Variants in ADGRB3 observed in about 807,000 individuals in gnomAD.
The protein encoded by ADGRB3 is adhesion G protein-coupled receptor B3.
A neutral mutation model predicts 193.4 loss-of-function variants in ADGRB3; 37 were observed. The ratio of observed to expected loss-of-function variants is 0.19; its 90% confidence interval spans 0.15 to 0.25. ADGRB3 has a LOEUF of 0.25. ADGRB3 is among the 10% of genes least tolerant of loss of function. ADGRB3 has a pLI of 1.00. For missense variants in ADGRB3, 1,637 were observed against 1,852.9 expected (o/e 0.88, Z 2.14); for synonymous variants, 690 against 644.2 (o/e 1.07, Z -1.08).
chr6:69,299,835 T>C (rs1183584004), intron 20 of ADGRB3, among the ~76,000 whole-genome samples: 1 of 151,940 alleles, frequency 6.6e-6, no homozygotes, highest in East Asian at 1.9e-4. Flanking sequence ...AGCTTTCTTC[T>C]TTTTGTTCAG....
intron 13 of ADGRB3, among the ~76,000 whole-genome samples, chr6:69,024,237 A>G (rs1770357929): frequency 6.6e-6 from 1 of 152,224 alleles, no homozygotes; most frequent in Non-Finnish European, 1.5e-5. Context: ...GTATAAAATC[A>G]GTGTCTTATA....
At chr6:68,819,172 G>T in intron 3 of ADGRB3, among the ~76,000 whole-genome samples, 1 of 151,790 alleles carries the variant, frequency 6.6e-6, no homozygotes, top group East Asian at 1.9e-4. Context: ...TTGCTTGTTA[G>T]TTAGATGTAT....
At position 68,734,537 on chromosome 6, in the gene ADGRB3, T is replaced by C. The variant is rs902264447; in HGVS notation, c.757+95105T>C. Among the ~76,000 whole-genome samples the C allele has an allele frequency of 2.0e-5, 3 of 151,900 alleles. No individual in the cohort carries two copies. In the Admixed American group the frequency reaches 2.0e-4, roughly 10 times the overall value. On this transcript the variant is annotated intron_variant, in intron 3 of 31. Coordinates refer to ENST00000370598, the MANE Select transcript of ADGRB3 (RefSeq NM_001704.3). ...AGGTCATGAATCTCAGAAAGAGCCG[T>C]CTGTATATTTAAATTTTACCCAGGG...
intron 3 of ADGRB3, among the ~76,000 whole-genome samples, chr6:68,808,051 A>G (rs747491691): frequency 3.9e-5 from 6 of 152,218 alleles, no homozygotes; most frequent in African/African-American, 7.2e-5. Context: ...TTAGTTCAAT[A>G]GGAATATTTC....
chr6:68,666,425 T>G (rs1768803401), intron 3 of ADGRB3, among the ~76,000 whole-genome samples: 1 of 151,902 alleles, frequency 6.6e-6, no homozygotes, highest in Non-Finnish European at 1.5e-5. Flanking sequence ...GTTGAACAAA[T>G]GGGTCCTTTT....
intron 3 of ADGRB3, among the ~76,000 whole-genome samples, chr6:68,814,134 T>A (rs955934366): frequency 6.6e-6 from 1 of 152,174 alleles, no homozygotes; most frequent in Non-Finnish European, 1.5e-5. Flanking sequence ...ATCGCCACAC[T>A]GACTTCCACA....
intron 3 of ADGRB3, among the ~76,000 whole-genome samples, chr6:68,780,276 TGG>T (rs2127360754): frequency 6.6e-6 from 1 of 152,186 alleles, no homozygotes; most frequent in Non-Finnish European, 1.5e-5. Context: ...GGAGATATAA[TGG>T]GACGGTGACC....
At chr6:68,979,700 A>G (rs7356942) in intron 10 of ADGRB3, among the ~76,000 whole-genome samples, 9,914 of 151,530 alleles carry the variant, frequency 0.065, 1,050 homozygotes, top group African/African-American at 0.21. Context: ...CAGGAGTCAA[A>G]TAAATTAACA....
intron 20 of ADGRB3, among the ~76,000 whole-genome samples, chr6:69,275,907 T>A (rs914588056): frequency 5.9e-5 from 9 of 152,298 alleles, no homozygotes; most frequent in Admixed American, 3.3e-4. Flanking sequence ...GATATTTGTT[T>A]TTTTAAAAAA....
chr6:69,236,169 T>C (rs1271541982), intron 19 of ADGRB3, among the ~76,000 whole-genome samples: 2 of 152,038 alleles, frequency 1.3e-5, no homozygotes, highest in East Asian at 3.8e-4. Context: ...TGTATTGTTC[T>C]TCATTATAAT....
chr6:68,639,781 C>T (rs1444258020), intron 3 of ADGRB3, among the ~76,000 whole-genome samples: 1 of 152,040 alleles, frequency 6.6e-6, no homozygotes, highest in Non-Finnish European at 1.5e-5. Flanking sequence ...ACACACGCCC[C>T]ACATGTGAAG....
At chr6:69,361,864 T>C (rs1409015590) in intron 29 of ADGRB3, among the ~76,000 whole-genome samples, 1 of 151,912 alleles carries the variant, frequency 6.6e-6, no homozygotes, top group South Asian at 2.1e-4. Context: ...ATTCTTCTGA[T>C]GTTTCTCAGG....
intron 3 of ADGRB3, among the ~76,000 whole-genome samples, chr6:68,819,777 AAG>A (rs1456797575): frequency 3.3e-5 from 5 of 152,098 alleles, no homozygotes; most frequent in African/African-American, 1.2e-4. Flanking sequence ...AAATAGATAA[AAG>A]AGTTAAATTA....
At chr6:69,269,462 T>G (rs55646932) in intron 20 of ADGRB3, among the ~76,000 whole-genome samples, 11,873 of 152,300 alleles carry the variant, frequency 0.078, 594 homozygotes, top group Middle Eastern at 0.17. Context: ...TGGTTTGTGC[T>G]TGTAGTTGCA....
At chr6:68,819,001 T>G (rs1482667270) in intron 3 of ADGRB3, among the ~76,000 whole-genome samples, 4 of 152,120 alleles carry the variant, frequency 2.6e-5, no homozygotes, top group Non-Finnish European at 2.9e-5. Flanking sequence ...TAACTTGAAA[T>G]TTTACAGCTG....
chr6:68,858,058 C>A lies in ADGRB3; in HGVS notation c.758-72501C>A, dbSNP rs189822667. Among the ~76,000 whole-genome samples the A allele has an allele frequency of 1.1e-3, 175 of 152,318 alleles. 1 individual carries two copies. The highest frequency in any genetic ancestry group is 6.5e-4 in the Non-Finnish European group (44 of 68,030). On this transcript the variant is annotated intron_variant, in intron 3 of 31. Coordinates refer to ENST00000370598, the MANE Select transcript of ADGRB3 (RefSeq NM_001704.3). ...CACCATGATTGTGAGGCTTCCTCAT[C>A]CATGTTGAACTGTGAGTTCTCCATT...
intron 17 of ADGRB3, among the ~76,000 whole-genome samples, chr6:69,222,766 G>A (rs1187274903): frequency 6.6e-6 from 1 of 152,056 alleles, no homozygotes; most frequent in Non-Finnish European, 1.5e-5. Context: ...AACATTTTCA[G>A]CTGGCTTTTA....
chr6:69,031,571 C>CTTTCTTTCTTTCTCTCTCT (rs1337493560), intron 13 of ADGRB3, among the ~76,000 whole-genome samples: 7 of 106,838 alleles, frequency 6.6e-5, no homozygotes, highest in Admixed American at 1.0e-4. Context: ...TTCTTTTCTT[C>CTTTCTTTCTTTCTCTCTCT]CTCTGTCTCT....
rs182726204 is a variant in ADGRB3 at position 69,093,655 on chromosome 6, G to T, written c.2480+17617G>T. Among the ~76,000 whole-genome samples, 9 of 151,790 alleles carry T rather than the reference G, an allele frequency of 5.9e-5. 1 individual carries two copies. On this transcript the variant is annotated intron_variant, in intron 17 of 31. Coordinates refer to ENST00000370598, the MANE Select transcript of ADGRB3 (RefSeq NM_001704.3). ...GGGGAGCCCAGGATCTAGGGAGTGG[G>T]GTGGGCAGCCTGGGTTCGGGGGGAT...
Sources: gnomAD v4.1 joint callset for allele counts (sites outside exome capture counted in the v4.1 genomes callset) on GRCh38, gnomAD v4.1.1 for gene constraint, MANE v1.5 for transcripts, NCBI Gene and HGNC (gene_info 2026-07-23, HGNC 2026-07-21) for gene names.